Variants in TUSC3 observed in about 807,000 individuals in gnomAD.
TUSC3 encodes the protein tumor suppressor candidate 3.
TUSC3 carries 45 observed loss-of-function variants against 44.8 expected under a neutral mutation model. The observed-to-expected ratio is 1.00, with a 90% CI of 0.79 to 1.29. The LOEUF is 1.29. Among genes scored for constraint, TUSC3 ranks in the 50% most tolerant of loss-of-function variants. The pLI, the probability that TUSC3 is intolerant of heterozygous loss-of-function variation, is 0.00. For missense variants in TUSC3, 519 were observed against 437.9 expected, an observed-to-expected ratio of 1.19 and a Z score of -1.65; for synonymous variants, 212 against 152.9, an observed-to-expected ratio of 1.39 and a Z score of -2.85.
intron 2 of TUSC3, among the ~76,000 whole-genome samples, chr8:15,487,392 C>T (rs1474330837): frequency 1.3e-5 from 2 of 152,158 alleles, no homozygotes; most frequent in Non-Finnish European, 2.9e-5. Context: ...TTATTTTCTG[C>T]CTCAATCAGT....
chr8:15,454,968 A>G (rs1208159819), intron 1 of TUSC3, among the ~76,000 whole-genome samples: 1 of 152,144 alleles, frequency 6.6e-6, no homozygotes, highest in East Asian at 1.9e-4. Flanking sequence ...AATGAATTCT[A>G]GAGGAATTAG....
rs1049590134 is a variant in TUSC3 at position 15,648,740 on chromosome 8, A to G, written c.309-1957A>G. 3.4e-3 allele frequency among the ~76,000 whole-genome samples: 492 copies of G among 146,322 alleles called. 1 individual carries two copies. The highest frequency in any genetic ancestry group is 0.012 in the African/African-American group (470 of 39,482). ...GACTCTGTGTCAAAAAAAAAAAAAA[A>G]AAAAAAAAAAAAAAAAGACATCTCC... On this transcript the variant is annotated intron_variant, in intron 2 of 10. Coordinates refer to ENST00000503731, the MANE Select transcript of TUSC3 (RefSeq NM_006765.4).
intron 9 of TUSC3, among the ~76,000 whole-genome samples, chr8:15,753,614 T>C (rs1453562141): frequency 6.6e-6 from 1 of 152,128 alleles, no homozygotes; most frequent in African/African-American, 2.4e-5. Context: ...TATATTTTAC[T>C]TGGAGTCATC....
At chr8:15,781,913 A>G in the TUSC3 span, among the ~76,000 whole-genome samples, 1 of 152,190 alleles carries the variant, frequency 6.6e-6, no homozygotes, top group African/African-American at 2.4e-5. Context: ...CAGGTGCATT[A>G]CCAGAGGTCA....
intron 1 of TUSC3, among the ~76,000 whole-genome samples, chr8:15,442,589 C>G (rs1481415880): frequency 6.6e-6 from 1 of 152,098 alleles, no homozygotes; most frequent in Non-Finnish European, 1.5e-5. Flanking sequence ...AAAAGTAAGA[C>G]TGATAAATGC....
At chr8:15,445,300 C>T (rs1232327786) in intron 1 of TUSC3, among the ~76,000 whole-genome samples, 2 of 151,804 alleles carry the variant, frequency 1.3e-5, no homozygotes, top group African/African-American at 4.8e-5. Flanking sequence ...TAAAACTGAT[C>T]TATCCCAGGA....
chr8:15,709,215 G>C (rs1016144036), intron 6 of TUSC3, among the ~76,000 whole-genome samples: 2 of 151,794 alleles, frequency 1.3e-5, no homozygotes, highest in African/African-American at 4.8e-5. Flanking sequence ...TGTATTCACT[G>C]CACAAATAAT....
intron 6 of TUSC3, among the ~76,000 whole-genome samples, chr8:15,719,952 A>C (rs1227373794): frequency 6.6e-6 from 1 of 151,912 alleles, no homozygotes; most frequent in Non-Finnish European, 1.5e-5. Flanking sequence ...ACAAGCTCTT[A>C]CTCTTGCCCA....
At chr8:15,566,728 A>G (rs929214274) in intron 1 of TUSC3, among the ~76,000 whole-genome samples, 6 of 152,022 alleles carry the variant, frequency 3.9e-5, no homozygotes, top group South Asian at 2.1e-4. Flanking sequence ...GGCTCAAGCA[A>G]TCCTCCCGCG....
the TUSC3 span, among the ~76,000 whole-genome samples, chr8:15,824,154 A>G: frequency 0.15 from 23,108 of 152,204 alleles, 2,070 homozygotes; most frequent in African/African-American, 0.25. Context: ...CTAAACTGAG[A>G]ATCACTGCAT....
At chr8:15,720,773 T>C (rs1810272521) in intron 6 of TUSC3, among the ~76,000 whole-genome samples, 1 of 152,116 alleles carries the variant, frequency 6.6e-6, no homozygotes, top group African/African-American at 2.4e-5. Flanking sequence ...CATTTTAGCA[T>C]GATATAATGG....
chr8:15,666,782 C>T (rs1009097487), intron 5 of TUSC3, among the ~76,000 whole-genome samples: 1 of 151,254 alleles, frequency 6.6e-6, no homozygotes, highest in Admixed American at 6.6e-5. Context: ...CAGTTCTGCT[C>T]ATCAGGCAAC....
the TUSC3 span, among the ~76,000 whole-genome samples, chr8:15,802,003 T>A: frequency 6.6e-6 from 1 of 152,170 alleles, no homozygotes; most frequent in Non-Finnish European, 1.5e-5. Flanking sequence ...TCTGACCAGC[T>A]GTTCTTCGAG....
intron 1 of TUSC3, chr8:15,417,372 A>G (rs1421293707): frequency 6.6e-6 from 1 of 152,310 alleles, no homozygotes; most frequent in East Asian, 1.9e-4. Flanking sequence ...TAAAAGCACA[A>G]GAACAGACTG....
intron 1 of TUSC3, among the ~76,000 whole-genome samples, chr8:15,585,216 G>T (rs1414471362): frequency 6.6e-6 from 1 of 152,150 alleles, no homozygotes; most frequent in African/African-American, 2.4e-5. Context: ...GAGCTATATA[G>T]GGGGACAGAG....
At chr8:15,847,872 AT>A in the TUSC3 span, among the ~76,000 whole-genome samples, 1 of 152,144 alleles carries the variant, frequency 6.6e-6, no homozygotes, top group African/African-American at 2.4e-5. Context: ...ATAAGCCTTA[AT>A]TTTTTTTAAG....
intron 1 of TUSC3, among the ~76,000 whole-genome samples, chr8:15,610,712 G>T (rs1410581865): frequency 6.6e-6 from 1 of 152,118 alleles, no homozygotes; most frequent in Non-Finnish European, 1.5e-5. Flanking sequence ...CATTTGAATA[G>T]GGCTACTGTG....
chr8:15,425,299 C>T (rs187749214), intron 1 of TUSC3, among the ~76,000 whole-genome samples: 69 of 152,302 alleles, frequency 4.5e-4, no homozygotes, highest in African/African-American at 1.5e-3. Context: ...GTGTTGCCAA[C>T]CTCCACAGTT....
At chr8:15,618,980 G>A (rs1325480756) in intron 1 of TUSC3, among the ~76,000 whole-genome samples, 3 of 152,146 alleles carry the variant, frequency 2.0e-5, no homozygotes, top group Non-Finnish European at 4.4e-5. Flanking sequence ...TATTTCTGTG[G>A]GTTTTGGCAA....
Sources: gnomAD v4.1 joint callset for allele counts (sites outside exome capture counted in the v4.1 genomes callset) on GRCh38, gnomAD v4.1.1 for gene constraint, MANE v1.5 for transcripts, NCBI Gene and HGNC (gene_info 2026-07-23, HGNC 2026-07-21) for gene names.